THEMIS: variants seen among roughly 807,000 people sequenced by gnomAD.
The protein encoded by THEMIS is thymocyte selection associated, also known as protein THEMIS.
Under a neutral mutation model 52.6 loss-of-function variants are expected in THEMIS, and 37 were observed. The observed-to-expected ratio is 0.70, with a 90% CI of 0.54 to 0.93. The LOEUF is 0.93. Among genes scored for constraint, THEMIS ranks in the 40% least tolerant of loss-of-function variants. The pLI is 0.00. For missense variants in THEMIS, 808 were observed against 763.1 expected, an observed-to-expected ratio of 1.06 and a Z score of -0.69; for synonymous variants, 292 against 272.7, an observed-to-expected ratio of 1.07 and a Z score of -0.70.
intron 4 of THEMIS, among the ~76,000 whole-genome samples, chr6:127,810,124 G>A (rs1777851328): frequency 6.6e-6 from 1 of 151,938 alleles, no homozygotes; most frequent in African/African-American, 2.4e-5. Context: ...GTTGTTCTGT[G>A]AGTTTCTCTC....
At position 127,747,046 on chromosome 6, in the gene THEMIS, CTAT is replaced by C. The variant is rs1279757001; in HGVS notation, c.1759-27226_1759-27224del. Among the ~76,000 whole-genome samples, 7 of 104,906 alleles carry C rather than the reference CTAT, an allele frequency of 6.7e-5. 1 individual carries two copies. In the East Asian group the frequency reaches 1.9e-3, roughly 28 times the overall value. 68.8% of individuals were successfully genotyped at this position (104,906 alleles called of 152,430 possible). A position where few individuals can be genotyped will look rare whatever the true frequency, so the allele number is the denominator to read the frequency against. On this transcript the variant is annotated intron_variant, in intron 4 of 5. Coordinates refer to ENST00000368248, the MANE Select transcript of THEMIS (RefSeq NM_001010923.3). ...TATATATAGATATAATTATAGATAT[CTAT>C]AATTATATTATATATAATTGTATAT...
chr6:127,858,027 A>T (rs564534003), intron 1 of THEMIS, among the ~76,000 whole-genome samples: 45 of 152,234 alleles, frequency 3.0e-4, no homozygotes, highest in African/African-American at 1.1e-3. Flanking sequence ...GTTGGGCTTA[A>T]TTTCAGTGCA....
intron 5 of THEMIS, among the ~76,000 whole-genome samples, chr6:127,716,136 A>G (rs1043092974): frequency 6.6e-6 from 1 of 151,934 alleles, no homozygotes. Context: ...ATTAGAAAAT[A>G]TGGATCAGGA....
intron 2 of THEMIS, among the ~76,000 whole-genome samples, chr6:127,849,845 T>C (rs1375282899): frequency 3.3e-5 from 5 of 151,918 alleles, no homozygotes; most frequent in Non-Finnish European, 7.4e-5. Context: ...AAATAATTCA[T>C]GACTAAGACA....
chr6:127,813,189 GTCC>G lies in THEMIS; in HGVS notation c.1449_1451del (p.Glu483del). ...TTATGAGTAGGTAAGAGTCTGTAAT[GTCC>G]TCCTCCAACTGCAGTCCTGGTGTGG... On this transcript the variant is annotated inframe_deletion, in exon 4 of 6. Transcript: ENST00000368248. 7 of 1,614,072 alleles carry G rather than the reference GTCC, an allele frequency of 4.3e-6. No homozygotes were observed. The highest frequency in any genetic ancestry group is 5.1e-6 in the Non-Finnish European group (6 of 1,180,018).
At chr6:127,764,500 T>A (rs976799957) in intron 4 of THEMIS, among the ~76,000 whole-genome samples, 3 of 152,070 alleles carry the variant, frequency 2.0e-5, no homozygotes, top group African/African-American at 4.8e-5. Flanking sequence ...ATATCATAGC[T>A]GCAGAGAAGG....
intron 3 of THEMIS, among the ~76,000 whole-genome samples, chr6:127,814,908 G>A (rs1349651270): frequency 2.6e-5 from 4 of 152,118 alleles, no homozygotes; most frequent in Non-Finnish European, 5.9e-5. Flanking sequence ...TGTAATCCCA[G>A]CATTTTGGGA....
intron 4 of THEMIS, among the ~76,000 whole-genome samples, chr6:127,783,119 A>G (rs1186274049): frequency 2.0e-5 from 3 of 152,214 alleles, no homozygotes; most frequent in Non-Finnish European, 4.4e-5. Context: ...GACAAACCTG[A>G]CAAAAATAAG....
At chr6:127,876,964 T>A (rs1177293934) in intron 1 of THEMIS, among the ~76,000 whole-genome samples, 2 of 152,202 alleles carry the variant, frequency 1.3e-5, no homozygotes, top group Admixed American at 1.3e-4. Context: ...ATAAGGCAAG[T>A]CACACAAATT....
At chr6:127,913,983 G>A (rs1042381890) in intron 1 of THEMIS, among the ~76,000 whole-genome samples, 1 of 152,138 alleles carries the variant, frequency 6.6e-6, no homozygotes, top group Non-Finnish European at 1.5e-5. Context: ...AAATGATTCA[G>A]ATTCTTTTAA....
intron 4 of THEMIS, among the ~76,000 whole-genome samples, chr6:127,787,880 T>TAGATAGACAGATATAGATAG (rs200767496): frequency 8.3e-6 from 1 of 119,908 alleles, no homozygotes; most frequent in African/African-American, 3.0e-5. Context: ...GATAGATAGA[T>TAGATAGACAGATATAGATAG]ATAGATAGAT....
chr6:127,719,656 G>A lies in THEMIS; in HGVS notation c.1894+32C>T, dbSNP rs375702623. 53 of 1,565,062 alleles carry A rather than the reference G, an allele frequency of 3.4e-5. No individual in the cohort carries two copies. In the African/African-American group the frequency reaches 3.9e-4, roughly 11 times the overall value. On this transcript the variant is annotated intron_variant, in intron 5 of 5. Coordinates refer to ENST00000368248, the MANE Select transcript of THEMIS (RefSeq NM_001010923.3). The stretch of plus-strand genomic sequence containing the variant: ...TTGTCATGTGGACAGTTAAACCACC[G>A]TGGTTTAACTGACCTATAGTCACAT...
chr6:127,703,039 T>TTTTTTTG, the THEMIS span, among the ~76,000 whole-genome samples: 1 of 96,226 alleles, frequency 1.0e-5, no homozygotes, highest in Non-Finnish European at 2.1e-5. Context: ...GAATGAGTTT[T>TTTTTTTG]TTTTTTTTTT....
the THEMIS span, among the ~76,000 whole-genome samples, chr6:127,699,269 G>C: frequency 1.3e-5 from 2 of 151,628 alleles, no homozygotes; most frequent in South Asian, 4.2e-4. Context: ...GTCACATTTT[G>C]CAGTGTCATA....
chr6:127,759,813 T>C (rs1775954538), intron 4 of THEMIS, among the ~76,000 whole-genome samples: 1 of 148,054 alleles, frequency 6.8e-6, no homozygotes, highest in South Asian at 2.2e-4. Context: ...CCTCCTTTCC[T>C]CATTCCTTCC....
At chr6:127,888,481 G>T (rs1490868716) in intron 1 of THEMIS, among the ~76,000 whole-genome samples, 2 of 151,906 alleles carry the variant, frequency 1.3e-5, no homozygotes, top group Non-Finnish European at 2.9e-5. Flanking sequence ...AGGAATTTGG[G>T]CATCAATTTT....
At chr6:127,729,829 C>G (rs1774697562) in intron 4 of THEMIS, among the ~76,000 whole-genome samples, 2 of 152,122 alleles carry the variant, frequency 1.3e-5, no homozygotes, top group African/African-American at 4.8e-5. Flanking sequence ...TGAAATGCCA[C>G]AAAGGTATAT....
At chr6:127,869,302 G>A (rs555233507) in intron 1 of THEMIS, among the ~76,000 whole-genome samples, 2 of 152,208 alleles carry the variant, frequency 1.3e-5, no homozygotes, top group African/African-American at 4.8e-5. Context: ...CCTTAGACAT[G>A]CTCAGAACGC....
chr6:127,861,008 A>G (rs957728775), intron 1 of THEMIS, among the ~76,000 whole-genome samples: 5 of 152,156 alleles, frequency 3.3e-5, no homozygotes, highest in Non-Finnish European at 7.4e-5. Flanking sequence ...CCTCCTGTGT[A>G]TCCACAGAAC....
Sources: allele counts gnomAD v4.1 joint callset (sites outside exome capture counted in the v4.1 genomes callset), GRCh38; gene constraint gnomAD v4.1.1; transcripts MANE v1.5; gene names NCBI Gene and HGNC (gene_info 2026-07-23, HGNC 2026-07-21).